The following PARP4 variants were observed in gnomAD, a reference collection of about 807,000 sequenced individuals.
The protein encoded by PARP4 is protein mono-ADP-ribosyltransferase PARP4.
Under a neutral mutation model 187.7 loss-of-function variants are expected in PARP4, and 120 were observed. The observed-to-expected ratio is 0.64, with a 90% CI of 0.55 to 0.74. PARP4 has a LOEUF of 0.74. PARP4 is among the 30% of genes least tolerant of loss of function. PARP4 has a pLI of 0.00. For synonymous variants in PARP4, 654 were observed against 740.9 expected (o/e 0.88, Z 1.90); for missense variants, 1,836 against 2,070.5 (o/e 0.89, Z 2.20).
chr13:24,476,055 G>A (rs1328574178), intron 14 of PARP4, among the ~76,000 whole-genome samples: 4 of 152,090 alleles, frequency 2.6e-5, no homozygotes, highest in African/African-American at 9.7e-5. Context: ...CCAAAGTGCT[G>A]GGACTATGGG....
chr13:24,495,193 C>G (rs980580657), intron 6 of PARP4, among the ~76,000 whole-genome samples: 78 of 152,268 alleles, frequency 5.1e-4, no homozygotes, highest in African/African-American at 1.9e-3. Context: ...ATTTTAAACT[C>G]TTAATAGCCT....
At chr13:24,443,882 A>G (rs185690981) in intron 27 of PARP4, 152 bp from the exon 28 acceptor site, 1 of 594,304 alleles carries the variant, frequency 1.7e-6, no homozygotes, top group African/African-American at 1.8e-5. Context: ...AGGGATGTAT[A>G]CAGTTGTGTG....
chr13:24,441,584 A>G (rs1323166561), intron 30 of PARP4, among the ~76,000 whole-genome samples: 1 of 152,254 alleles, frequency 6.6e-6, no homozygotes, highest in Admixed American at 6.5e-5. Context: ...AGCTTCCTGG[A>G]TGACAATCTA....
chr13:24,441,284 G>A (rs1477041925), intron 30 of PARP4, among the ~76,000 whole-genome samples: 13 of 152,184 alleles, frequency 8.5e-5, no homozygotes, highest in Admixed American at 5.9e-4. Context: ...GATTACAGGC[G>A]TGAACCACGG....
chr13:24,441,963 C>G lies in PARP4; in HGVS notation c.3549G>C (p.Glu1183Asp), dbSNP rs145391493. ...TSFVAVEKRDENESPFPDIPK... is the reference protein window; with the variant it reads ...TSFVAVEKRDDNESPFPDIPK... ...GAATATCAGGAAAAGGCGACTCATTCTCATCCTATATTGAATCACAAATAG... is the reference window on the plus strand; with the variant it reads ...GAATATCAGGAAAAGGCGACTCATTGTCATCCTATATTGAATCACAAATAG... Residue 1183 changes from glutamate (E) to aspartate (D), a missense_variant, in exon 30 of 34, where the codon GAG becomes GAC. This residue lies in a region of PARP4 where 47 missense variants were observed against 99.5 expected (regional missense o/e 0.47). Transcript: ENST00000381989. The G allele has an allele frequency of 1.3e-6, 2 of 1,598,178 alleles. No individual in the cohort carries two copies.
At chr13:24,469,765 A>C (rs1566006282) in intron 16 of PARP4, 129 bp downstream of exon 16, 1 of 960,498 alleles carries the variant, frequency 1.0e-6, no homozygotes, top group Non-Finnish European at 1.5e-6. Context: ...TTCTTCAAAG[A>C]ATATTCTCGT....
chr13:24,498,455 A>C (rs1869085603), intron 5 of PARP4, among the ~76,000 whole-genome samples: 1 of 152,176 alleles, frequency 6.6e-6, no homozygotes. Context: ...ACCATCCCAT[A>C]AATAGATCTG....
At chr13:24,449,410 T>C (rs1026760914) in intron 25 of PARP4, among the ~76,000 whole-genome samples, 24 of 124,168 alleles carry the variant, frequency 1.9e-4, no homozygotes, top group African/African-American at 6.9e-4. Context: ...AAAAAAAAAA[T>C]TAAAATGCTA....
At chr13:24,501,338 T>C (rs983342036) in intron 3 of PARP4, among the ~76,000 whole-genome samples, 2 of 152,214 alleles carry the variant, frequency 1.3e-5, no homozygotes, top group East Asian at 3.8e-4. Flanking sequence ...GTAATCACTG[T>C]TTAACACAAA....
At chr13:24,442,087 T>C (rs1417112550) in intron 29 of PARP4, 119 bp from the exon 30 acceptor site, 13 of 1,186,942 alleles carry the variant, frequency 1.1e-5, no homozygotes, top group Non-Finnish European at 1.3e-5. Flanking sequence ...GACTGGAGCT[T>C]GTGCCGTGGG....
In PARP4 at chr13:24,500,301, A is replaced by G; in HGVS notation, c.401+15T>C. 6.6e-7 allele frequency: 1 copy of G among 1,517,742 alleles called. No individual in the cohort carries two copies. 94.0% of individuals were successfully genotyped at this position (1,517,742 alleles called of 1,614,324 possible). A position where few individuals can be genotyped will look rare whatever the true frequency, so the allele number is the denominator to read the frequency against. ...AACTCTGTAGAGTCCCAGGAATCAG[A>G]AAGAAGTAAATTACTCAGTGAGTTC... On this transcript the variant is annotated intron_variant, in intron 4 of 33. Coordinates refer to ENST00000381989, the MANE Select transcript of PARP4 (RefSeq NM_006437.4).
At position 24,453,609 on chromosome 13, in the gene PARP4, G is replaced by T. The variant is rs139037622; in HGVS notation, c.2804C>A (p.Thr935Asn). Residue 935 changes from threonine (T) to asparagine (N), a missense_variant, in exon 23 of 34, where the codon ACC becomes AAC. Thr to Asn is a moderately conservative substitution (Grantham distance 65). This residue lies in a region of PARP4 where 1,147 missense variants were observed against 1,214.2 expected (regional missense o/e 0.94). Coordinates refer to ENST00000381989, the MANE Select transcript of PARP4 (RefSeq NM_006437.4). ...CACCATGATGAACTCTGCTGCCATG[G>T]TATTGCTTGTGATATGCTTAGGATA... ...FSYPKHITSN[T>N]MAAEFIMSAT... The T allele has an allele frequency of 1.9e-6, 3 of 1,602,780 alleles. No individual in the cohort carries two copies. The highest frequency in any genetic ancestry group is 2.2e-5 in the East Asian group (1 of 44,812).
intron 10 of PARP4, among the ~76,000 whole-genome samples, chr13:24,487,067 C>T (rs1026669140): frequency 6.6e-6 from 1 of 150,526 alleles, no homozygotes; most frequent in Admixed American, 6.6e-5. Context: ...CAAGACCATC[C>T]TAGCCAACAT....
Position 24,447,178 on chromosome 13 carries a change from GTCT to G in PARP4, c.3120_3122del (p.Glu1040del), listed in dbSNP as rs1565994894. 1 of 1,600,776 alleles carries G rather than the reference GTCT, an allele frequency of 6.2e-7. No homozygotes were observed. Among genetic ancestry groups the G allele is most frequent in the South Asian group, 1.1e-5 (1 of 88,492 alleles). ...TCGGAGAACATAGCCTGGTCATTTG[GTCT>G]TCTATCTATTTATAAAAGAGGAATT... On this transcript the variant is annotated inframe_deletion, in exon 26 of 34. Transcript: ENST00000381989.
rs554068440 is a variant in PARP4, at chr13:24,507,445, C to A, written c.-1-3668G>T. Among the ~76,000 whole-genome samples, 76 of 152,336 alleles carry A rather than the reference C, an allele frequency of 5.0e-4. No homozygotes were observed. In the East Asian group the frequency reaches 9.5e-3, roughly 19 times the overall value. On this transcript the variant is annotated intron_variant, in intron 1 of 33. Coordinates refer to ENST00000381989, the MANE Select transcript of PARP4 (RefSeq NM_006437.4). ...CCTCACCTCTGGGTCTCCTTGGCAC[C>A]ACAGAGGTGCGACGTCCCCAGCCTA...
At chr13:24,432,025 C>G (rs1322943271) in intron 31 of PARP4, among the ~76,000 whole-genome samples, 3 of 152,164 alleles carry the variant, frequency 2.0e-5, no homozygotes, top group Non-Finnish European at 4.4e-5. Context: ...CCATACCCGG[C>G]CGAGATTTTT....
intron 8 of PARP4, 55 bp downstream of exon 8, chr13:24,493,541 C>G: frequency 6.4e-7 from 1 of 1,554,298 alleles, no homozygotes; most frequent in Admixed American, 1.9e-5. Context: ...TTGCTGAAGC[C>G]AATCAACCAG....
chr13:24,500,510 A>AG (rs1359169255), intron 3 of PARP4, 128 bp from the exon 4 acceptor site: 2 of 509,622 alleles, frequency 3.9e-6, no homozygotes, highest in African/African-American at 4.0e-5. Flanking sequence ...TGGTGATCAA[A>AG]GGATAACCCA....
intron 6 of PARP4, among the ~76,000 whole-genome samples, chr13:24,497,255 G>A (rs184869284): frequency 4.6e-5 from 7 of 152,240 alleles, no homozygotes; most frequent in Non-Finnish European, 1.0e-4. Flanking sequence ...GTGACCTTGA[G>A]CCCTCAATAC....
Sources: allele counts gnomAD v4.1 joint callset (sites outside exome capture counted in the v4.1 genomes callset), GRCh38; gene constraint gnomAD v4.1.1; regional missense constraint gnomAD v4.1.1; transcripts MANE v1.5; gene names NCBI Gene and HGNC (gene_info 2026-07-23, HGNC 2026-07-21).